RRM1: variants seen among roughly 807,000 people sequenced by gnomAD.
RRM1 encodes the protein ribonucleotide reductase catalytic subunit M1.
In RRM1, 19 loss-of-function variants were observed where a neutral mutation model predicts 101.5. The observed-to-expected ratio is 0.19, with a 90% CI of 0.13 to 0.27. The LOEUF (loss-of-function observed/expected upper bound fraction) is 0.27. Among genes scored for constraint, RRM1 ranks in the 10% least tolerant of loss-of-function variants. The pLI, the probability that RRM1 is intolerant of heterozygous loss-of-function variation, is 1.00. For missense variants in RRM1, 500 were observed against 962.9 expected (o/e 0.52, Z 6.36); for synonymous variants, 298 against 323.4 (o/e 0.92, Z 0.84).
At chr11:4,105,578 C>CTTTTTTTTT (rs55705631) in intron 2 of RRM1, 65 of 281,710 alleles carry the variant, frequency 2.3e-4, no homozygotes, top group Admixed American at 5.2e-4. Context: ...TTTTTCTTTC[C>CTTTTTTTTT]TTTTTTTTTT....
intron 8 of RRM1, 33 bp downstream of exon 8, chr11:4,118,494 A>G (rs1590723045): frequency 3.7e-6 from 6 of 1,612,504 alleles, no homozygotes; most frequent in Non-Finnish European, 5.1e-6. Flanking sequence ...TTAAAGGGGG[A>G]TTCAAGTCTA....
Position 4,094,928 on chromosome 11 carries a change from C to A in RRM1, c.-85C>A. On this transcript the variant is annotated 5_prime_UTR_variant, in exon 1 of 19. Coordinates refer to ENST00000300738, the MANE Select transcript of RRM1 (RefSeq NM_001033.5). ...AGCAGCGCCTGGAACCTAACCCTTC[C>A]CACTCTGTCACCTTCTCGATCCCGC... is the stretch of plus-strand genomic sequence containing the variant. 1 of 1,432,330 alleles carries A rather than the reference C, an allele frequency of 7.0e-7. No homozygotes were observed. The highest frequency in any genetic ancestry group is 9.6e-7 in the Non-Finnish European group (1 of 1,038,438). 88.7% of individuals were successfully genotyped at this position (1,432,330 alleles called of 1,614,324 possible).
chr11:4,105,554 TTTGA>T (rs1267944352), intron 2 of RRM1: 3 of 413,046 alleles, frequency 7.3e-6, no homozygotes, highest in East Asian at 7.2e-5. Flanking sequence ...GTGATGTGAA[TTTGA>T]TTGTTTTCTT....
At chr11:4,124,134 A>G (rs1296984394) in intron 12 of RRM1, among the ~76,000 whole-genome samples, 1 of 152,168 alleles carries the variant, frequency 6.6e-6, no homozygotes, top group Non-Finnish European at 1.5e-5. Context: ...GGGAAGGGAG[A>G]TAGAAGGTAG....
In RRM1 at chr11:4,132,558, AAT is replaced by A; in HGVS notation, c.1905+140_1905+141del. On this transcript the variant is annotated intron_variant, in intron 16 of 18. Transcript: ENST00000300738. This position sits in a 1 kb window ranked among gnomAD's most constrained non-coding sequence, Gnocchi z 4.1. ...GATAAAGACAGTCATCTTCATCTCT[AAT>A]ATTATTATTTGTTATTAATATTTCA... 1.3e-6 allele frequency: 1 copy of A among 749,022 alleles called. No individual in the cohort carries two copies. Among genetic ancestry groups the A allele is most frequent in the Non-Finnish European group, 2.2e-6 (1 of 460,780 alleles). The allele number at this position is 749,022 out of a possible 1,614,324, so 46.4% of individuals were successfully genotyped here.
intron 9 of RRM1, among the ~76,000 whole-genome samples, chr11:4,121,399 ATTCG>A (rs1173863688): frequency 6.6e-6 from 1 of 152,154 alleles, no homozygotes; most frequent in East Asian, 1.9e-4. Context: ...TGTTTATATC[ATTCG>A]TTCGTTTTTA....
At chr11:4,127,318 C>A in intron 14 of RRM1, 62 bp downstream of exon 14, 2 of 1,029,626 alleles carry the variant, frequency 1.9e-6, no homozygotes, top group Non-Finnish European at 2.8e-6. Context: ...AATGGTGACC[C>A]CACAAAAGGA....
At chr11:4,116,374 C>T (rs1244411884) in intron 7 of RRM1, 1 of 152,220 alleles carries the variant, frequency 6.6e-6, no homozygotes, top group Non-Finnish European at 1.5e-5. Context: ...GGTGGATTAC[C>T]TGAGGTCAGG....
intron 2 of RRM1, chr11:4,105,641 C>T: frequency 5.1e-6 from 2 of 395,156 alleles, no homozygotes; most frequent in Non-Finnish European, 9.5e-6. Context: ...AGTGCAGTGG[C>T]ATAATCACAG....
In RRM1 at chr11:4,121,759, T is replaced by G; in HGVS notation, c.1032T>G (p.Thr344=). 1 of 1,606,488 alleles carries G rather than the reference T, an allele frequency of 6.2e-7. No individual in the cohort carries two copies. Among genetic ancestry groups the G allele is most frequent in the Non-Finnish European group, 8.5e-7 (1 of 1,177,400 alleles). ...IPDLFMKRVE[T]NQDWSLMCPN... ...ATCTCTTCATGAAACGAGTGGAGAC[T>G]AATCAGGTGAGAGATAGGTACTTGT... The change falls in exon 10 of 19, where the codon ACT becomes ACG. Residue 344 remains threonine (T), a synonymous_variant. Transcript: ENST00000300738.
chr11:4,128,152 C>A (rs1296615177), intron 14 of RRM1, among the ~76,000 whole-genome samples: 2 of 150,172 alleles, frequency 1.3e-5, no homozygotes, highest in Non-Finnish European at 2.9e-5. Context: ...TCACCACCCC[C>A]CTGTCCCGCT....
At chr11:4,097,861 G>A (rs768057956) in intron 1 of RRM1, among the ~76,000 whole-genome samples, 6 of 152,186 alleles carry the variant, frequency 3.9e-5, no homozygotes, top group African/African-American at 4.8e-5. Flanking sequence ...TAATGGAGAA[G>A]GCAGCTCTAT....
intron 2 of RRM1, chr11:4,105,599 G>A: frequency 1.3e-4 from 3 of 22,874 alleles, no homozygotes; most frequent in Non-Finnish European, 1.7e-4. Flanking sequence ...TTTTTTTTTT[G>A]AGACAGGGTC....
In RRM1 at chr11:4,107,539, T is replaced by C; in HGVS notation, c.387+4T>C. On this transcript the variant is annotated splice_donor_region_variant and intron_variant, in intron 4 of 18. Coordinates refer to ENST00000300738, the MANE Select transcript of RRM1 (RefSeq NM_001033.5). ...TATTGTTCTGGCCAATAAAGATGTA[T>C]GTATAACACTTATCTGGTGGAAATT... The C allele has an allele frequency of 6.3e-7, 1 of 1,586,586 alleles. No individual in the cohort carries two copies. The highest frequency in any genetic ancestry group is 8.6e-7 in the Non-Finnish European group (1 of 1,158,040).
intron 2 of RRM1, among the ~76,000 whole-genome samples, chr11:4,102,882 T>C (rs1474500): frequency 0.88 from 133,744 of 152,188 alleles, 59,085 homozygotes; most frequent in South Asian, 0.93. Flanking sequence ...TCATCATCAG[T>C]TATCTGGACT....
chr11:4,117,355 T>C (rs1313932484), intron 7 of RRM1, among the ~76,000 whole-genome samples: 3 of 152,192 alleles, frequency 2.0e-5, no homozygotes, highest in African/African-American at 7.2e-5. Context: ...TATAGCAGCA[T>C]TGTTTGGAAT....
intron 2 of RRM1, among the ~76,000 whole-genome samples, chr11:4,103,065 A>C (rs2094553678): frequency 6.6e-6 from 1 of 152,152 alleles, no homozygotes; most frequent in African/African-American, 2.4e-5. Context: ...CCGCACTGCT[A>C]AGGTATCTTA....
rs1007917198 is a variant in RRM1, at chr11:4,138,694, C to T, written c.*311C>T. On this transcript the variant is annotated 3_prime_UTR_variant, in exon 19 of 19. Coordinates refer to ENST00000300738, the MANE Select transcript of RRM1 (RefSeq NM_001033.5). ...AGGGAGTGGTTAAGTAAGGTTTCAT[C>T]ACCCCTTTAGCACTGCTTTTCTGAA... The T allele has an allele frequency of 3.2e-5, 8 of 252,586 alleles. No individual in the cohort carries two copies. Among genetic ancestry groups the T allele is most frequent in the Non-Finnish European group, 6.0e-5 (8 of 132,530 alleles). The allele number at this position is 252,586 out of a possible 1,614,324, so 15.6% of individuals were successfully genotyped here.
chr11:4,107,559 G>T, intron 4 of RRM1, 24 bp downstream of exon 4: 1 of 1,471,008 alleles, frequency 6.8e-7, no homozygotes. Flanking sequence ...TTATCTGGTG[G>T]AAATTTTTTG....
Sources: allele counts gnomAD v4.1 joint callset (sites outside exome capture counted in the v4.1 genomes callset), GRCh38; gene constraint gnomAD v4.1.1; non-coding constraint Gnocchi (gnomAD v3.1); transcripts MANE v1.5; gene names NCBI Gene and HGNC (gene_info 2026-07-23, HGNC 2026-07-21).